Variants in ZNF44 observed in about 807,000 individuals in gnomAD.
ZNF44 encodes the protein gonadotropin inducible transcription repressor-2.
Under a neutral mutation model 11.7 loss-of-function variants are expected in ZNF44, and 9 were observed. The observed-to-expected ratio is 0.77, with a 90% CI of 0.46 to 1.35. The LOEUF (loss-of-function observed/expected upper bound fraction) is 1.35. Among genes scored for constraint, ZNF44 ranks in the 40% most tolerant of loss-of-function variants. The pLI is 0.00. For synonymous variants in ZNF44, 224 were observed against 242.7 expected, an observed-to-expected ratio of 0.92 and a Z score of 0.72; for missense variants, 696 against 743.1, an observed-to-expected ratio of 0.94 and a Z score of 0.74.
chr19:12,261,271 G>A (rs1259792365), intron 5 of ZNF44, among the ~76,000 whole-genome samples: 2 of 152,200 alleles, frequency 1.3e-5, no homozygotes, highest in African/African-American at 4.8e-5. Context: ...TAAGGGAAGA[G>A]GATGAAGTGG....
chr19:12,247,877 G>C (rs751659642), exon 8 of ZNF44: 1 of 1,317,776 alleles, frequency 7.6e-7, no homozygotes, highest in Non-Finnish European at 1.0e-6. Flanking sequence ...TCTGTGCAGT[G>C]TGATTCCTCT....
chr19:12,273,602 G>C lies in ZNF44; in HGVS notation c.653C>G (p.Thr218Ser), dbSNP rs1967074196. Reference protein sequence around the residue: ...WPSLLRMHERTHTGEKPYECK... With the variant: ...WPSLLRMHERSHTGEKPYECK... ...TTCATATGGTTTCTCTCCAGTGTGA[G>C]TTCTTTCATGCATACGTAATAAACT... The change falls in exon 4 of 4, where the codon ACT becomes AGT. Residue 218 changes from threonine to serine, a missense_variant. Thr to Ser is a moderately conservative substitution (Grantham distance 58, BLOSUM62 1). Coordinates refer to ENST00000355684, the MANE Select transcript of ZNF44 (RefSeq NM_016264.4). 2 of 1,613,924 alleles carry C rather than the reference G, an allele frequency of 1.2e-6. No homozygotes were observed. Among genetic ancestry groups the C allele is most frequent in the Admixed American group, 3.3e-5 (2 of 59,984 alleles).
At chr19:12,260,929 C>G (rs894011253) in intron 5 of ZNF44, among the ~76,000 whole-genome samples, 2 of 152,196 alleles carry the variant, frequency 1.3e-5, no homozygotes, top group Non-Finnish European at 2.9e-5. Flanking sequence ...ATCTAGACAT[C>G]TTGTTCACAG....
intron 5 of ZNF44, among the ~76,000 whole-genome samples, chr19:12,254,757 A>T (rs1432056666): frequency 6.6e-6 from 1 of 151,466 alleles, no homozygotes; most frequent in African/African-American, 2.4e-5. Flanking sequence ...AATAATAATA[A>T]AATAAAAAAT....
At chr19:12,237,612 C>G (rs991635546), upstream of ZNF44, 1 of 152,668 alleles carries the variant, frequency 6.6e-6, no homozygotes, top group Admixed American at 6.5e-5. Context: ...AGCTTGGCCC[C>G]ACCCTCCTGG....
downstream of ZNF44, among the ~76,000 whole-genome samples, chr19:12,271,053 TG>T (rs1478380639): frequency 6.6e-6 from 1 of 151,992 alleles, no homozygotes; most frequent in African/African-American, 2.4e-5. Context: ...ATGATGATGA[TG>T]ATGATGATGA....
At chr19:12,275,154 A>C in intron 2 of ZNF44, 121 bp from the exon 3 acceptor site, 1 of 664,892 alleles carries the variant, frequency 1.5e-6, no homozygotes, top group Non-Finnish European at 2.3e-6. Flanking sequence ...TGACTCCTGA[A>C]CAACACAGGT....
At chr19:12,279,239 G>A (rs999380457) in intron 1 of ZNF44, among the ~76,000 whole-genome samples, 1 of 152,102 alleles carries the variant, frequency 6.6e-6, no homozygotes, top group Non-Finnish European at 1.5e-5. Context: ...CAAATGAATA[G>A]GCCAGGTGCA....
intron 2 of ZNF44, among the ~76,000 whole-genome samples, chr19:12,231,682 GA>G (rs925211075): frequency 6.6e-6 from 1 of 152,068 alleles, no homozygotes; most frequent in Non-Finnish European, 1.5e-5. Context: ...ACAAAACCAG[GA>G]AAAAAACACT....
At chr19:12,250,540 C>T (rs1347161017) in intron 5 of ZNF44, among the ~76,000 whole-genome samples, 1 of 152,222 alleles carries the variant, frequency 6.6e-6, no homozygotes, top group African/African-American at 2.4e-5. Context: ...AGTTTATGAA[C>T]ACACGAAAAT....
At chr19:12,293,292 A>G (rs1028988435) in intron 1 of ZNF44, 69 of 1,536,864 alleles carry the variant, frequency 4.5e-5, no homozygotes, top group Non-Finnish European at 5.8e-5. Context: ...GAGTGACCCA[A>G]GGGCCGATAT....
At chr19:12,250,829 G>A (rs908636291) in intron 5 of ZNF44, 2 of 456,082 alleles carry the variant, frequency 4.4e-6, no homozygotes, top group Admixed American at 2.4e-5. Context: ...CAAGAGGCAC[G>A]TGGAAATCAA....
In ZNF44 at chr19:12,271,900, A is replaced by G. The variant is rs991946696; in HGVS notation, c.*507T>C. 6.6e-6 allele frequency: 1 copy of G among 152,320 alleles called. No individual in the cohort carries two copies. The highest frequency in any genetic ancestry group is 1.5e-5 in the Non-Finnish European group (1 of 68,146). The allele number at this position is 152,320 out of a possible 1,614,324, so 9.4% of individuals were successfully genotyped here. ...GTACATGCGAATATTCCATTTTATA[A>G]AAGAGCTGGCATCTGTGGATTTAGG... On this transcript the variant is annotated 3_prime_UTR_variant, in exon 4 of 4. Coordinates refer to ENST00000355684, the MANE Select transcript of ZNF44 (RefSeq NM_016264.4).
downstream of ZNF44, among the ~76,000 whole-genome samples, chr19:12,268,131 TACACACACAC>T (rs1230538619): frequency 3.7e-5 from 4 of 106,704 alleles, no homozygotes; most frequent in African/African-American, 1.8e-4. Context: ...TTGGTGTTCT[TACACACACAC>T]ACAGACACAC....
downstream of ZNF44, chr19:12,247,259 TATTTAC>T (rs749854213): frequency 2.5e-6 from 3 of 1,181,558 alleles, no homozygotes; most frequent in South Asian, 4.8e-5. Flanking sequence ...AAACTTTCGA[TATTTAC>T]ATTTATAGTT....
chr19:12,252,738 A>C (rs1460545009), intron 5 of ZNF44, among the ~76,000 whole-genome samples: 1 of 152,124 alleles, frequency 6.6e-6, no homozygotes, highest in African/African-American at 2.4e-5. Context: ...AGTGTAAAAA[A>C]AAAAAGTATA....
intron 1 of ZNF44, chr19:12,284,644 A>C: frequency 2.6e-6 from 2 of 756,774 alleles, no homozygotes; most frequent in Non-Finnish European, 4.6e-6. Context: ...CCAGTGCAGA[A>C]GCAGACCCGT....
At chr19:12,228,128 A>C (rs1225314205) in intron 3 of ZNF44, among the ~76,000 whole-genome samples, 1 of 151,810 alleles carries the variant, frequency 6.6e-6, no homozygotes, top group Non-Finnish European at 1.5e-5. Context: ...TTTCCTTTAC[A>C]ATTAACCTGC....
chr19:12,259,637 T>TC (rs1568433573), intron 5 of ZNF44, among the ~76,000 whole-genome samples: 1 of 152,126 alleles, frequency 6.6e-6, no homozygotes, highest in Non-Finnish European at 1.5e-5. Context: ...ATATTTTTTT[T>TC]CCCCACCAGA....
Sources: gnomAD v4.1 joint callset for allele counts (sites outside exome capture counted in the v4.1 genomes callset) on GRCh38, gnomAD v4.1.1 for gene constraint, MANE v1.5 for transcripts, NCBI Gene and HGNC (gene_info 2026-07-23, HGNC 2026-07-21) for gene names.